The following NUP188 variants were observed in gnomAD, a reference collection of about 807,000 sequenced individuals.
The protein encoded by NUP188 is nucleoporin NUP188.
NUP188 carries 97 observed loss-of-function variants against 223.0 expected under a neutral mutation model. The observed-to-expected ratio is 0.43, with a 90% CI of 0.37 to 0.51. The LOEUF is 0.51. Among genes scored for constraint, NUP188 ranks in the 20% least tolerant of loss-of-function variants. The probability of loss-of-function intolerance (pLI) is 0.00; values close to 1 mark genes in which losing one functional copy is unlikely to be tolerated. For synonymous variants in NUP188, 869 were observed against 828.0 expected, an observed-to-expected ratio of 1.05 and a Z score of -0.85; for missense variants, 1,947 against 2,175.6, an observed-to-expected ratio of 0.89 and a Z score of 2.09.
intron 11 of NUP188, among the ~76,000 whole-genome samples, chr9:128,972,645 A>G (rs943831674): frequency 6.6e-6 from 1 of 152,230 alleles, no homozygotes; most frequent in African/African-American, 2.4e-5. Context: ...CAGTTGTAAC[A>G]ATTGTACTGT....
intron 25 of NUP188, among the ~76,000 whole-genome samples, chr9:128,992,573 A>C (rs1026287265): frequency 6.6e-6 from 1 of 152,210 alleles, no homozygotes; most frequent in African/African-American, 2.4e-5. Context: ...CCACATAGGC[A>C]CATTTGGACT....
chr9:128,973,356 T>C (rs138339007), intron 12 of NUP188, 107 bp downstream of exon 12: 1 of 697,462 alleles, frequency 1.4e-6, no homozygotes, highest in East Asian at 2.7e-5. Context: ...TGTGTTAATT[T>C]GTTTACTGGC....
chr9:128,995,424 C>T lies in NUP188; in HGVS notation c.3261C>T (p.Ala1087=), dbSNP rs200277676. The part of the protein sequence containing the change: ...GYVKSLAVHV[A]ETEGSSCTSL... Reference sequence around the variant, plus strand: ...TCAAGTCATTGGCAGTTCACGTGGCCGAAACAGAAGGCAGCAGCTGCACCT... The same window carrying T: ...TCAAGTCATTGGCAGTTCACGTGGCTGAAACAGAAGGCAGCAGCTGCACCT... The change falls in exon 30 of 44, where the codon GCC becomes GCT. Residue 1087 remains alanine, a synonymous_variant. Transcript: ENST00000372577. The T allele has an allele frequency of 6.4e-4, 1,039 of 1,613,874 alleles. 16 individuals carry two copies. The South Asian group carries it at 0.011, about 16-fold the overall frequency.
In NUP188 at chr9:128,970,904, T is replaced by A. The variant is rs371132886; in HGVS notation, c.1059T>A (p.Asn353Lys). 4.3e-6 allele frequency: 7 copies of A among 1,613,964 alleles called. No homozygotes were observed. In the African/African-American group the frequency reaches 9.3e-5, roughly 22 times the overall value. ...RKIGGTAIQL[N>K]VFQYLTRLLQ... ...TAGGTGGCACAGCCATCCAGCTGAA[T>A]GTGTTTCAGTACTTGACCCGATTGC... is the stretch of plus-strand genomic sequence containing the variant. The change falls in exon 11 of 44, where the codon AAT becomes AAA. Residue 353 changes from asparagine to lysine, a missense_variant. Coordinates refer to ENST00000372577, the MANE Select transcript of NUP188 (RefSeq NM_015354.3).
intron 36 of NUP188, 66 bp downstream of exon 36, chr9:129,002,042 C>T: frequency 7.8e-7 from 1 of 1,279,762 alleles, no homozygotes; most frequent in East Asian, 2.3e-5. Context: ...GAAAAGTGTC[C>T]TCCCCTACCT....
intron 25 of NUP188, 137 bp downstream of exon 25, chr9:128,990,363 G>C: frequency 1.4e-6 from 1 of 729,140 alleles, no homozygotes. Flanking sequence ...GCCAAGGTGG[G>C]AGGATCATTT....
In NUP188 at chr9:129,005,633, CT is replaced by C. The variant is rs1564569984; in HGVS notation, c.4738-8del. ...TAATTGGGTCCTGGATGGCTCTTGT[CT>C]TTTCTCGCAGTCCCTGGACCTTGCT... is the stretch of plus-strand genomic sequence containing the variant. On this transcript the variant is annotated splice_polypyrimidine_tract_variant and intron_variant, in intron 40 of 43. Coordinates refer to ENST00000372577, the MANE Select transcript of NUP188 (RefSeq NM_015354.3). 3 of 1,612,648 alleles carry C rather than the reference CT, an allele frequency of 1.9e-6. No individual in the cohort carries two copies. In the South Asian group the frequency reaches 3.3e-5, roughly 18 times the overall value.
chr9:128,973,967 G>A (rs917316053), intron 12 of NUP188, among the ~76,000 whole-genome samples: 1 of 152,076 alleles, frequency 6.6e-6, no homozygotes, highest in Admixed American at 6.6e-5. Context: ...CTAGAGTGCA[G>A]TGACGCGATC....
intron 30 of NUP188, 25 bp downstream of exon 30, chr9:128,995,539 T>C (rs1842509333): frequency 1.3e-6 from 2 of 1,544,148 alleles, no homozygotes; most frequent in East Asian, 4.5e-5. Context: ...GGGAGAGTTT[T>C]CACTTTGGTA....
rs1842466477 is a variant in NUP188 at position 128,993,542 on chromosome 9, G to A, written c.2865G>A (p.Met955Ile). The A allele has an allele frequency of 6.2e-7, 1 of 1,614,166 alleles. No individual in the cohort carries two copies. The highest frequency in any genetic ancestry group is 8.5e-7 in the Non-Finnish European group (1 of 1,180,030). The change falls in exon 27 of 44, where the codon ATG (methionine) becomes ATA (isoleucine). Residue 955 changes from methionine to isoleucine, a missense_variant. Met to Ile is a conservative substitution (Grantham distance 10). Transcript: ENST00000372577. The part of the protein sequence containing the change: ...SDGSKEFSLG[M>I]WSCLHAVLEL... ...TCTTGCAGGAATTCAGCCTTGGGAT[G>A]TGGAGCTGTCTCCATGCAGTGCTGG...
rs898826075 is a variant in NUP188, at chr9:128,956,865, G to A, written c.247-87G>A. ...GCATTTTTGTTTATTCAAGTCCTGT[G>A]TTCATTGTAGAAGACAAATCTTTAA... is the stretch of plus-strand genomic sequence containing the variant. On this transcript the variant is annotated intron_variant, in intron 4 of 43. Transcript: ENST00000372577. 4.5e-6 allele frequency: 4 copies of A among 880,830 alleles called. No homozygotes were observed. The African/African-American group carries it at 5.1e-5, about 11-fold the overall frequency. The allele number at this position is 880,830 out of a possible 1,614,324, so 54.6% of individuals were successfully genotyped here.
At position 128,988,053 on chromosome 9, in the gene NUP188, G is replaced by A; in HGVS notation, c.2400G>A (p.Gly800=). The change falls in exon 24 of 44, where the codon GGG becomes GGA. Residue 800 remains glycine, a synonymous_variant. Coordinates refer to ENST00000372577, the MANE Select transcript of NUP188 (RefSeq NM_015354.3). The part of the protein sequence containing the change: ...MVMAAQPRSD[G]AEGQGQGQLL... ...TTTCCATTTGGCACCCTAGTGATGGGGCAGAGGGCCAGGGGCAGGGCCAGC... is the reference window on the plus strand; with the variant it reads ...TTTCCATTTGGCACCCTAGTGATGGAGCAGAGGGCCAGGGGCAGGGCCAGC... The A allele has an allele frequency of 2.5e-6, 4 of 1,614,142 alleles. No individual in the cohort carries two copies. The highest frequency in any genetic ancestry group is 3.4e-6 in the Non-Finnish European group (4 of 1,179,984).
intron 2 of NUP188, among the ~76,000 whole-genome samples, chr9:128,952,521 G>A (rs373467452): frequency 6.6e-6 from 1 of 152,008 alleles, no homozygotes; most frequent in African/African-American, 2.4e-5. Context: ...TGGGGAGTTC[G>A]AGATCAGCCT....
rs771911820 is a variant in NUP188 at position 129,003,356 on chromosome 9, C to T, written c.4336C>T (p.Leu1446=). ...GAGGACAGTGCAGAGTCTGGCCTGC[C>T]TGGAGGAGGCGGACCACACCGTGGG... is the stretch of plus-strand genomic sequence containing the variant. The part of the protein sequence containing the change: ...AVRTVQSLAC[L]EEADHTVGFI... The change falls in exon 38 of 44, where the codon CTG becomes TTG. Residue 1446 remains leucine (L), a synonymous_variant. Transcript: ENST00000372577. 3.2e-5 allele frequency: 52 copies of T among 1,612,928 alleles called. No homozygotes were observed. In the Middle Eastern group the frequency reaches 8.5e-4, roughly 26 times the overall value.
chr9:128,952,851 G>A lies in NUP188; in HGVS notation c.161+5G>A. 2 of 1,610,382 alleles carry A rather than the reference G, an allele frequency of 1.2e-6. No homozygotes were observed. Among genetic ancestry groups the A allele is most frequent in the Non-Finnish European group, 1.7e-6 (2 of 1,176,676 alleles). ...TTCTTACTACAAACCTCCCAGGTAT[G>A]GCAGTTCCGGGTGTCTGGTTAAAGT... On this transcript the variant is annotated splice_donor_5th_base_variant and intron_variant, in intron 3 of 43. Transcript: ENST00000372577.
In NUP188 at chr9:128,969,392, C is replaced by G. The variant is rs1564554746; in HGVS notation, c.798-8C>G. The G allele has an allele frequency of 6.4e-7, 1 of 1,564,786 alleles. No homozygotes were observed. The highest frequency in any genetic ancestry group is 2.3e-5 in the East Asian group (1 of 44,376). ...TATATAACATGGTGATACTATTTTT[C>G]TTTCTAGCTACTTCAGTGCCCTCAT... On this transcript the variant is annotated splice_region_variant and splice_polypyrimidine_tract_variant and intron_variant, in intron 9 of 43. Coordinates refer to ENST00000372577, the MANE Select transcript of NUP188 (RefSeq NM_015354.3).
At chr9:128,977,038 A>C (rs1021352995) in intron 12 of NUP188, among the ~76,000 whole-genome samples, 1 of 151,380 alleles carries the variant, frequency 6.6e-6, no homozygotes, top group Non-Finnish European at 1.5e-5. Context: ...GCGTCGCTGC[A>C]CTCCAACCTG....
intron 12 of NUP188, among the ~76,000 whole-genome samples, chr9:128,973,870 A>G (rs1173314358): frequency 6.6e-6 from 1 of 152,168 alleles, no homozygotes; most frequent in Non-Finnish European, 1.5e-5. Flanking sequence ...TTGAACAACA[A>G]TGGATTTACT....
chr9:128,984,124 A>ATTTTTTTTTTTTTTTTTTT lies in NUP188; in HGVS notation c.1961+575_1961+593dup, dbSNP rs1193631566. 1.3e-3 allele frequency among the ~76,000 whole-genome samples: 121 copies of ATTTTTTTTTTTTTTTTTTT among 93,046 alleles called. 21 individuals are homozygous for ATTTTTTTTTTTTTTTTTTT. Among genetic ancestry groups the ATTTTTTTTTTTTTTTTTTT allele is most frequent in the African/African-American group, 5.0e-3 (84 of 16,966 alleles). 61.0% of individuals were successfully genotyped at this position (93,046 alleles called of 152,430 possible). ...GGCGTGAGCCACCGCGCCTGGCCTG[A>ATTTTTTTTTTTTTTTTTTT]TTTTTTTTTTTTTTTTTTTGAGATG... On this transcript the variant is annotated intron_variant, in intron 19 of 43. Transcript: ENST00000372577.
Sources: allele counts gnomAD v4.1 joint callset (sites outside exome capture counted in the v4.1 genomes callset), GRCh38; gene constraint gnomAD v4.1.1; transcripts MANE v1.5; gene names NCBI Gene and HGNC (gene_info 2026-07-23, HGNC 2026-07-21).